Variants in NYX observed in about 807,000 individuals in gnomAD.
NYX encodes leucine-rich repeat protein.
For missense variants in NYX, 481 were observed against 485.4 expected, an observed-to-expected ratio of 0.99 and a Z score of 0.09; for synonymous variants, 258 against 245.7, an observed-to-expected ratio of 1.05 and a Z score of -0.47.
At chrX:41,472,346 T>C in intron 2 of NYX, 2 of 1,146,054 alleles carry the variant, frequency 1.7e-6, no homozygotes, top group East Asian at 3.0e-5. Context: ...CTGTGACACA[T>C]AGAAGTTGGC....
chrX:41,451,065 G>A (rs2064278534), intron 2 of NYX, among the ~76,000 whole-genome samples: 2 of 107,914 alleles, frequency 1.9e-5, no homozygotes, highest in African/African-American at 3.4e-5. Context: ...TCAAGTGACA[G>A]GCTCAAGTGA....
At position 41,473,536 on chromosome X, in the gene NYX, C is replaced by A; in HGVS notation, c.68C>A (p.Ala23Asp). ...AGCGCCTGGGCCGTGGGGGCCTGCGCCCGCGCTTGTCCCGCCGCCTGCGCC... is the reference window on the plus strand; with the variant it reads ...AGCGCCTGGGCCGTGGGGGCCTGCGACCGCGCTTGTCCCGCCGCCTGCGCC... Reference protein sequence around the residue: ...LPSAWAVGACARACPAACACS... With the variant: ...LPSAWAVGACDRACPAACACS... Residue 23 changes from alanine to aspartate, a missense_variant, in exon 3 of 3, where the codon GCC (alanine) becomes GAC (aspartate). Coordinates refer to ENST00000378220, the MANE Select transcript of NYX (RefSeq NM_001378477.3). 1 of 1,005,424 alleles carries A rather than the reference C, an allele frequency of 9.9e-7. No homozygotes were observed. The allele number at this position is 1,005,424 out of a possible 1,213,427, so 82.9% of individuals were successfully genotyped here.
intron 2 of NYX, among the ~76,000 whole-genome samples, chrX:41,463,605 T>C (rs958821533): frequency 1.3e-4 from 14 of 111,163 alleles, no homozygotes; most frequent in Admixed American, 1.3e-3. Flanking sequence ...GTATTTTTAG[T>C]AGAGACGGGG....
chrX:41,454,930 G>C (rs963193113), intron 2 of NYX, among the ~76,000 whole-genome samples: 4 of 110,618 alleles, frequency 3.6e-5, no homozygotes, highest in Non-Finnish European at 5.7e-5. Flanking sequence ...TGAAGGATTT[G>C]TGCCTTAGTG....
At chrX:41,453,627 T>C (rs1230261265) in intron 2 of NYX, among the ~76,000 whole-genome samples, 9 of 110,680 alleles carry the variant, frequency 8.1e-5, no homozygotes, top group African/African-American at 2.6e-4. Flanking sequence ...AGCTAATTTT[T>C]ATATTTTTAG....
intron 2 of NYX, among the ~76,000 whole-genome samples, chrX:41,455,345 G>GATC (rs2064295239): frequency 9.1e-6 from 1 of 110,089 alleles, no homozygotes; most frequent in African/African-American, 3.3e-5. Context: ...GACCTCAGGT[G>GATC]ATCTGCCTGC....
At chrX:41,462,680 C>T (rs1309158159) in intron 2 of NYX, among the ~76,000 whole-genome samples, 1 of 112,064 alleles carries the variant, frequency 8.9e-6, no homozygotes, top group Non-Finnish European at 1.9e-5. Flanking sequence ...TAGGTGGCTA[C>T]TTTAATTTGT....
At chrX:41,469,547 C>CTTT (rs5902281) in intron 2 of NYX, among the ~76,000 whole-genome samples, 8 of 90,315 alleles carry the variant, frequency 8.9e-5, no homozygotes, top group African/African-American at 8.1e-5. Flanking sequence ...TGACATTCTA[C>CTTT]TTTTTTTTTT....
rs775596643 is a variant in NYX, at chrX:41,474,750, ACCACTGGGGGGCTGGCCAACG to A, written c.1285_1305del (p.Thr429_Ala435del). 12 of 1,189,114 alleles carry A rather than the reference ACCACTGGGGGGCTGGCCAACG, an allele frequency of 1.0e-5. No individual in the cohort carries two copies. The African/African-American group carries it at 1.4e-4, about 14-fold the overall frequency. On this transcript the variant is annotated inframe_deletion, in exon 3 of 3. Transcript: ENST00000378220. ...GGTCCCGGTGGAGGAGGCGGCCAACACCACTGGGGGGCTGGCCAACGCCTCCCTGTCCGACAGCCTCTCCTC... is the reference window on the plus strand; with the variant it reads ...GGTCCCGGTGGAGGAGGCGGCCAACACCTCCCTGTCCGACAGCCTCTCCTC...
At chrX:41,456,774 C>T (rs1356952495) in intron 2 of NYX, among the ~76,000 whole-genome samples, 3 of 111,742 alleles carry the variant, frequency 2.7e-5, no homozygotes, top group Non-Finnish European at 3.8e-5. Flanking sequence ...TTTCCGGCTT[C>T]CATCTTGAGG....
chrX:41,451,966 T>TTTGCTG (rs200446381), intron 2 of NYX, among the ~76,000 whole-genome samples: 1,584 of 109,932 alleles, frequency 0.014, 21 homozygotes, highest in African/African-American at 0.051. Context: ...TTTAAGTCTT[T>TTTGCTG]TTGCTGTTGC....
At chrX:41,457,484 G>C (rs2064303055) in intron 2 of NYX, among the ~76,000 whole-genome samples, 1 of 110,245 alleles carries the variant, frequency 9.1e-6, no homozygotes. Context: ...TCTGTTGTTT[G>C]TAAGCCACCG....
rs1192538602 is a variant in NYX at position 41,474,263 on chromosome X, G to A, written c.795G>A (p.Ala265=). 2.5e-6 allele frequency: 3 copies of A among 1,204,536 alleles called. No individual in the cohort carries two copies. The highest frequency in any genetic ancestry group is 3.4e-6 in the Non-Finnish European group (3 of 895,056). The change falls in exon 3 of 3, where the codon GCG becomes GCA. Residue 265 remains alanine (A), a synonymous_variant. Coordinates refer to ENST00000378220, the MANE Select transcript of NYX (RefSeq NM_001378477.3). ...GTGGCAACGCGCTGGACCGCGTGGC[G>A]CGCGCCTGGTTCGCTGACCTGGCCG... is the stretch of plus-strand genomic sequence containing the variant. ...NLGGNALDRV[A]RAWFADLAEL...
intron 2 of NYX, among the ~76,000 whole-genome samples, chrX:41,470,111 T>A (rs1281725177): frequency 1.9e-5 from 2 of 108,057 alleles, no homozygotes; most frequent in Non-Finnish European, 3.8e-5. Flanking sequence ...TAGTGACTGT[T>A]ACAGAAAAAA....
At chrX:41,472,649 T>C (rs1489897794) in intron 2 of NYX, 3 of 449,101 alleles carry the variant, frequency 6.7e-6, no homozygotes, top group Non-Finnish European at 1.2e-5. Context: ...CACTGGAGCC[T>C]GCATTGTCTT....
intron 2 of NYX, among the ~76,000 whole-genome samples, chrX:41,468,440 C>G (rs373584189): frequency 9.0e-6 from 1 of 110,552 alleles, no homozygotes; most frequent in Non-Finnish European, 1.9e-5. Flanking sequence ...TACAGGCACG[C>G]GCCACCACAC....
intron 2 of NYX, among the ~76,000 whole-genome samples, 178 bp from the exon 3 acceptor site, chrX:41,473,313 C>G (rs908485937): frequency 9.0e-6 from 1 of 110,849 alleles, no homozygotes; most frequent in African/African-American, 3.3e-5. Context: ...TGGATAAACC[C>G]GTGTGAGGCC....
chrX:41,468,290 AT>A (rs11408249), intron 2 of NYX, among the ~76,000 whole-genome samples: 1,171 of 85,815 alleles, frequency 0.014, 11 homozygotes, highest in East Asian at 0.06. Flanking sequence ...TTGACAAATA[AT>A]TTTTTTTTTT....
intron 2 of NYX, among the ~76,000 whole-genome samples, chrX:41,467,829 T>C (rs905268124): frequency 1.8e-5 from 2 of 110,322 alleles, no homozygotes; most frequent in Non-Finnish European, 3.8e-5. Context: ...GGCTAATTTT[T>C]TTATTTTTTA....
Sources: allele counts gnomAD v4.1 joint callset (sites outside exome capture counted in the v4.1 genomes callset), GRCh38; gene constraint gnomAD v4.1.1; transcripts MANE v1.5; gene names NCBI Gene and HGNC (gene_info 2026-07-23, HGNC 2026-07-21).